Variants in DPF2 observed in about 807,000 individuals in gnomAD.
DPF2 encodes the protein double PHD fingers 2.
Under a neutral mutation model 59.6 loss-of-function variants are expected in DPF2, and 10 were observed. The ratio of observed to expected loss-of-function variants is 0.17; its 90% CI spans 0.10 to 0.28. DPF2 has a LOEUF of 0.28. Ranked by LOEUF, DPF2 falls within the 10% of genes least tolerant of loss-of-function variation. DPF2 has a pLI of 1.00. For synonymous variants in DPF2, 189 were observed against 190.6 expected, an observed-to-expected ratio of 0.99 and a Z score of 0.07; for missense variants, 315 against 509.4, an observed-to-expected ratio of 0.62 and a Z score of 3.67.
intron 10 of DPF2, among the ~76,000 whole-genome samples, chr11:65,350,318 A>G (rs1039766675): frequency 1.5e-4 from 22 of 151,688 alleles, no homozygotes; most frequent in African/African-American, 4.6e-4. Context: ...GCCAGCTTAA[A>G]TAGCTTGCAA....
Position 65,341,549 on chromosome 11 carries a change from G to C in DPF2, c.452G>C (p.Ser151Thr), listed in dbSNP as rs769921860. Residue 151 changes from serine to threonine, a missense_variant, in exon 4 of 11, where the codon AGT becomes ACT. By Grantham distance (58) the Ser-to-Thr change is moderately conservative. Transcript: ENST00000528416. ...DSLGEFPVTNSRARKRILEPD... is the reference protein window; with the variant it reads ...DSLGEFPVTNTRARKRILEPD... ...CTGGGCGAGTTTCCTGTGACCAACA[G>C]TCGAGCGCGAAAGGTACAGGATTAT... 3.3e-5 allele frequency: 53 copies of C among 1,614,046 alleles called. No individual in the cohort carries two copies. The highest frequency in any genetic ancestry group is 4.4e-5 in the Non-Finnish European group (52 of 1,180,034).
chr11:65,349,044 A>G, intron 10 of DPF2, 113 bp downstream of exon 10: 1 of 1,238,792 alleles, frequency 8.1e-7, no homozygotes, highest in Non-Finnish European at 1.1e-6. Context: ...TTAGGGAGTA[A>G]AGCACCTTGC....
rs553906104 is a variant in DPF2, at chr11:65,347,772, C to T, written c.1018-1078C>T. 6.6e-4 allele frequency: 100 copies of T among 152,356 alleles called. 1 individual carries two copies. The highest frequency in any genetic ancestry group is 2.3e-3 in the African/African-American group (97 of 41,562). 9.4% of individuals were successfully genotyped at this position (152,356 alleles called of 1,614,324 possible). A position where few individuals can be genotyped will look rare whatever the true frequency, so the allele number is the denominator to read the frequency against. On this transcript the variant is annotated intron_variant, in intron 9 of 10. Transcript: ENST00000528416. ...CCAGGTTCAAGCAATTCTCCTGTCTCAGCCTCCCAGGTAGCTGGGATTACA... is the reference window on the plus strand; with the variant it reads ...CCAGGTTCAAGCAATTCTCCTGTCTTAGCCTCCCAGGTAGCTGGGATTACA...
At position 65,340,257 on chromosome 11, in the gene DPF2, T is replaced by C. The variant is rs954659589; in HGVS notation, c.33-128T>C. The C allele has an allele frequency of 5.6e-6, 6 of 1,067,714 alleles. No individual in the cohort carries two copies. The African/African-American group carries it at 8.0e-5, about 14-fold the overall frequency. 66.1% of individuals were successfully genotyped at this position (1,067,714 alleles called of 1,614,324 possible). On this transcript the variant is annotated intron_variant, in intron 1 of 10. Coordinates refer to ENST00000528416, the MANE Select transcript of DPF2 (RefSeq NM_006268.5). ...CCCATGAGGCAGAAGTGGAGGCAAA[T>C]AGAACGGAAGAGACAGCCACCCAGT... is the stretch of plus-strand genomic sequence containing the variant.
chr11:65,340,740 C>T (rs1157822870), intron 2 of DPF2, among the ~76,000 whole-genome samples, 195 bp downstream of exon 2: 2 of 152,154 alleles, frequency 1.3e-5, no homozygotes, highest in Admixed American at 1.3e-4. Flanking sequence ...TTCTGCCCTG[C>T]TGAGGCCATT....
chr11:65,337,496 TATATATATAGAG>T (rs1190846129), intron 1 of DPF2, among the ~76,000 whole-genome samples: 416 of 57,144 alleles, frequency 7.3e-3, no homozygotes, highest in East Asian at 0.022. Flanking sequence ...TATATATATA[TATATATATAGAG>T]AGAGAGAGAG....
Position 65,334,675 on chromosome 11 carries a change from A to G in DPF2, c.32+757A>G, listed in dbSNP as rs4647563. On this transcript the variant is annotated intron_variant, in intron 1 of 10. Coordinates refer to ENST00000528416, the MANE Select transcript of DPF2 (RefSeq NM_006268.5). ...GTTAAAGTTAATAGCTGTTGGGGCC[A>G]TGGACGCTGGCCTATGAACTGCTTC... Among the ~76,000 whole-genome samples, 276 of 152,358 alleles carry G rather than the reference A, an allele frequency of 1.8e-3. 2 individuals are homozygous for G. The highest frequency in any genetic ancestry group is 6.4e-3 in the African/African-American group (268 of 41,588).
Position 65,348,686 on chromosome 11 carries a change from A to G in DPF2, c.1018-164A>G, listed in dbSNP as rs1231585000. The G allele has an allele frequency of 7.3e-6, 4 of 544,262 alleles. No homozygotes were observed. In the East Asian group the frequency reaches 9.3e-5, roughly 13 times the overall value. 33.7% of individuals were successfully genotyped at this position (544,262 alleles called of 1,614,324 possible). A position where few individuals can be genotyped will look rare whatever the true frequency, so the allele number is the denominator to read the frequency against. On this transcript the variant is annotated intron_variant, in intron 9 of 10. Transcript: ENST00000528416. ...TGAAAGGACCCAAGTGAGAAATGAC[A>G]GTGACTGGATCTGCGGTGGAGAGGG...
Position 65,351,928 on chromosome 11 carries a change from C to T in DPF2, c.*169C>T, listed in dbSNP as rs546668385. ...CTGCAAGCTGAGGTGGCAGCTCTGA[C>T]CACCTCTGGCCCCAGGCCCTCAGGG... On this transcript the variant is annotated 3_prime_UTR_variant, in exon 11 of 11. Coordinates refer to ENST00000528416, the MANE Select transcript of DPF2 (RefSeq NM_006268.5). The T allele has an allele frequency of 2.1e-5, 14 of 675,012 alleles. No homozygotes were observed. In the African/African-American group the frequency reaches 2.3e-4, roughly 11 times the overall value. 41.8% of individuals were successfully genotyped at this position (675,012 alleles called of 1,614,324 possible).
At position 65,343,561 on chromosome 11, in the gene DPF2, C is replaced by G. The variant is rs112950061; in HGVS notation, c.466-184C>G. The G allele has an allele frequency of 3.7e-3, 2,246 of 598,966 alleles. 19 individuals carry two copies. Among genetic ancestry groups the G allele is most frequent in the African/African-American group, 0.025 (1,333 of 54,020 alleles). The allele number at this position is 598,966 out of a possible 1,614,324, so 37.1% of individuals were successfully genotyped here. The stretch of plus-strand genomic sequence containing the variant: ...AACGTGAAGCACAGGGGAAAGATAT[C>G]CCAAAGTATGGAAGGGAGCAGGAGC... On this transcript the variant is annotated intron_variant, in intron 4 of 10. Coordinates refer to ENST00000528416, the MANE Select transcript of DPF2 (RefSeq NM_006268.5).
intron 6 of DPF2, 125 bp from the exon 7 acceptor site, chr11:65,345,541 A>G (rs1357079450): frequency 1.5e-6 from 2 of 1,375,612 alleles, no homozygotes; most frequent in Non-Finnish European, 2.0e-6. Context: ...CCTGTCCCAG[A>G]GTGGAGCTGC....
At chr11:65,345,611 G>A in intron 6 of DPF2, 55 bp from the exon 7 acceptor site, 8 of 1,605,440 alleles carry the variant, frequency 5.0e-6, no homozygotes, top group Non-Finnish European at 6.8e-6. Flanking sequence ...GCAGGGATGG[G>A]GACATGGCAC....
chr11:65,336,675 G>A (rs1204922889), intron 1 of DPF2, among the ~76,000 whole-genome samples: 2 of 150,490 alleles, frequency 1.3e-5, no homozygotes, highest in African/African-American at 4.9e-5. Flanking sequence ...TGTAATCCCA[G>A]CTACTCAGGA....
chr11:65,338,419 CTG>C (rs1854269906), intron 1 of DPF2, among the ~76,000 whole-genome samples: 1 of 152,254 alleles, frequency 6.6e-6, no homozygotes, highest in African/African-American at 2.4e-5. Flanking sequence ...CCCCGCAAAA[CTG>C]TTTCCAGCCT....
At chr11:65,335,659 G>A (rs1345713422) in intron 1 of DPF2, among the ~76,000 whole-genome samples, 3 of 152,062 alleles carry the variant, frequency 2.0e-5, no homozygotes, top group African/African-American at 2.4e-5. Flanking sequence ...CAATTAATAC[G>A]TACTCCCACA....
rs569298274 is a variant in DPF2 at position 65,346,532 on chromosome 11, T to C, written c.1017+173T>C. On this transcript the variant is annotated intron_variant, in intron 9 of 10. Transcript: ENST00000528416. The stretch of plus-strand genomic sequence containing the variant: ...CTCTGATTTGTTGCCAGATATATAT[T>C]GAGTGCTGATTTTATGTCAGACACT... 9 of 598,842 alleles carry C rather than the reference T, an allele frequency of 1.5e-5. No individual in the cohort carries two copies. In the African/African-American group the frequency reaches 1.7e-4, roughly 11 times the overall value. 37.1% of individuals were successfully genotyped at this position (598,842 alleles called of 1,614,324 possible).
At chr11:65,347,480 C>G (rs1854569244) in intron 9 of DPF2, 5 of 151,762 alleles carry the variant, frequency 3.3e-5, no homozygotes, top group Admixed American at 2.0e-4. Flanking sequence ...ACCACAGATG[C>G]ACACCACCAT....
intron 1 of DPF2, among the ~76,000 whole-genome samples, chr11:65,337,471 AAAAATATATATATATAT>A (rs1243935963): frequency 2.0e-4 from 10 of 49,890 alleles, no homozygotes; most frequent in African/African-American, 7.5e-4. Context: ...AAAAAAAAAA[AAAAATATATATATATAT>A]ATATATATAT....
intron 1 of DPF2, 86 bp downstream of exon 1, chr11:65,334,004 G>A: frequency 6.4e-7 from 1 of 1,555,252 alleles, no homozygotes; most frequent in Non-Finnish European, 8.7e-7. Flanking sequence ...GGACTAGGCG[G>A]AGAGAGGGAC....
Sources: gnomAD v4.1 joint callset for allele counts (sites outside exome capture counted in the v4.1 genomes callset) on GRCh38, gnomAD v4.1.1 for gene constraint, MANE v1.5 for transcripts, NCBI Gene and HGNC (gene_info 2026-07-23, HGNC 2026-07-21) for gene names.